HS6ST2: variants seen among roughly 807,000 people sequenced by gnomAD.
HS6ST2 encodes the protein heparan sulfate 6-O-sulfotransferase 2.
A neutral mutation model predicts 33.0 loss-of-function variants in HS6ST2; 17 were observed. That is an observed-to-expected ratio of 0.52 (90% CI 0.35 to 0.77). The LOEUF (loss-of-function observed/expected upper bound fraction) is 0.77. Ranked by LOEUF, HS6ST2 falls within the 30% of genes least tolerant of loss-of-function variation. The probability of loss-of-function intolerance (pLI) is 0.01; values close to 1 mark genes in which losing one functional copy is unlikely to be tolerated. For synonymous variants in HS6ST2, 248 were observed against 237.1 expected (o/e 1.05, Z -0.42); for missense variants, 519 against 551.7 (o/e 0.94, Z 0.59).
At chrX:132,698,799 TG>T (rs2064121675) in intron 3 of HS6ST2, among the ~76,000 whole-genome samples, 2 of 111,732 alleles carry the variant, frequency 1.8e-5, no homozygotes, top group Admixed American at 1.9e-4. Context: ...CACATTTTGT[TG>T]ACTTGCTTCC....
intron 2 of HS6ST2, among the ~76,000 whole-genome samples, chrX:132,731,175 C>A (rs1053115536): frequency 8.9e-6 from 1 of 112,275 alleles, no homozygotes; most frequent in Non-Finnish European, 1.9e-5. Context: ...GGGGAACTGA[C>A]TCTCATGCTC....
Position 132,794,836 on chromosome X carries a change from A to G in HS6ST2, c.948-86342T>C, listed in dbSNP as rs187998156. 9.9e-5 allele frequency among the ~76,000 whole-genome samples: 11 copies of G among 110,639 alleles called. No individual in the cohort carries two copies. In the East Asian group the frequency reaches 3.1e-3, roughly 31 times the overall value. On this transcript the variant is annotated intron_variant, in intron 2 of 4. Coordinates refer to ENST00000370833, the MANE Select transcript of HS6ST2 (RefSeq NM_001394073.1). ...AAACTTGCCCACAGTCATACACCTC[A>G]GACATGGTAGAGCTGGCCTTGATGT...
At chrX:132,779,704 T>A (rs1010045416) in intron 2 of HS6ST2, among the ~76,000 whole-genome samples, 3 of 109,159 alleles carry the variant, frequency 2.7e-5, no homozygotes, top group Non-Finnish European at 5.6e-5. Flanking sequence ...ATAATAATGA[T>A]GAAAAATCAG....
intron 3 of HS6ST2, among the ~76,000 whole-genome samples, chrX:132,702,854 C>T (rs891391677): frequency 9.0e-6 from 1 of 111,495 alleles, no homozygotes; most frequent in Admixed American, 9.5e-5. Flanking sequence ...CCTTGTCTGT[C>T]GTATTGTCCC....
chrX:132,863,689 T>C (rs1232685294), intron 2 of HS6ST2, among the ~76,000 whole-genome samples: 14 of 110,826 alleles, frequency 1.3e-4, no homozygotes, highest in Non-Finnish European at 1.9e-5. Flanking sequence ...TGAAACTGAA[T>C]TGAGGATCAG....
At chrX:132,825,123 A>G (rs981781117) in intron 2 of HS6ST2, among the ~76,000 whole-genome samples, 3 of 111,584 alleles carry the variant, frequency 2.7e-5, no homozygotes, top group Non-Finnish European at 5.7e-5. Context: ...CACTTCTAAA[A>G]CTGTGTGACT....
intron 2 of HS6ST2, among the ~76,000 whole-genome samples, chrX:132,728,384 G>A: frequency 8.9e-6 from 1 of 111,839 alleles, no homozygotes; most frequent in Non-Finnish European, 1.9e-5. Flanking sequence ...TTTGAGTCTG[G>A]GCCTCTTAAT....
chrX:132,865,986 A>T (rs944522129), intron 2 of HS6ST2, among the ~76,000 whole-genome samples: 31 of 112,018 alleles, frequency 2.8e-4, no homozygotes, highest in Non-Finnish European at 4.7e-4. Flanking sequence ...GAGTTTAATT[A>T]GATCCCATTT....
intron 2 of HS6ST2, among the ~76,000 whole-genome samples, chrX:132,714,676 G>C (rs892440827): frequency 4.5e-5 from 5 of 110,989 alleles, no homozygotes; most frequent in South Asian, 7.7e-4. Context: ...TCCTATGAAG[G>C]ATAGCCTGGG....
chrX:132,694,918 T>C (rs948669735), intron 3 of HS6ST2, among the ~76,000 whole-genome samples: 2 of 110,603 alleles, frequency 1.8e-5, no homozygotes, highest in Admixed American at 1.9e-4. Flanking sequence ...GCGGGGAAGA[T>C]TGGGAGAGGA....
chrX:132,636,089 C>G (rs1025919842), intron 4 of HS6ST2, among the ~76,000 whole-genome samples: 1 of 111,520 alleles, frequency 9.0e-6, no homozygotes, highest in African/African-American at 3.3e-5. Flanking sequence ...TTTTCTGCCT[C>G]TTCCGCTGGA....
intron 2 of HS6ST2, among the ~76,000 whole-genome samples, chrX:132,817,522 T>C (rs2065405977): frequency 9.0e-6 from 1 of 111,410 alleles, no homozygotes; most frequent in African/African-American, 3.3e-5. Context: ...CTCTAATAAA[T>C]TATCTTTTGA....
At chrX:132,838,947 G>A (rs995526329) in intron 2 of HS6ST2, among the ~76,000 whole-genome samples, 1 of 100,386 alleles carries the variant, frequency 1.0e-5, no homozygotes, top group African/African-American at 3.8e-5. Context: ...CAGTCAGAAT[G>A]GTTATTATTA....
chrX:132,881,194 C>A (rs1228301261), intron 2 of HS6ST2, among the ~76,000 whole-genome samples: 14 of 110,826 alleles, frequency 1.3e-4, no homozygotes, highest in Admixed American at 2.9e-4. Context: ...TCCCTGAGGA[C>A]TCGCCACACT....
intron 2 of HS6ST2, among the ~76,000 whole-genome samples, chrX:132,729,558 A>AT (rs1403502920): frequency 5.4e-5 from 6 of 112,070 alleles, no homozygotes; most frequent in African/African-American, 1.9e-4. Context: ...CCGAAACAAC[A>AT]TATCACAACA....
chrX:132,646,480 G>A (rs2063643485), intron 4 of HS6ST2, among the ~76,000 whole-genome samples: 1 of 103,597 alleles, frequency 9.7e-6, no homozygotes, highest in Non-Finnish European at 2.0e-5. Context: ...GCTGCAGTGA[G>A]CCATGATAGC....
At chrX:132,756,820 G>GGTGTGTGTGTGTGTGTGTGTGTGT in intron 2 of HS6ST2, among the ~76,000 whole-genome samples, 2 of 97,339 alleles carry the variant, frequency 2.1e-5, no homozygotes, top group East Asian at 6.8e-4. Context: ...CCCTGTGCAT[G>GGTGTGTGTGTGTGTGTGTGTGTGT]GTGTGTGTGT....
At position 132,814,660 on chromosome X, in the gene HS6ST2, C is replaced by T. The variant is rs1402216384; in HGVS notation, c.948-106166G>A. Among the ~76,000 whole-genome samples, 11 of 111,394 alleles carry T rather than the reference C, an allele frequency of 9.9e-5. No homozygotes were observed. In the South Asian group the frequency reaches 4.2e-3, roughly 43 times the overall value. Reference sequence around the variant, plus strand: ...AAGTAGCTGGGATTACAGGAGTGAGCCACTGCGCCCAACCTCAGAACCTGG... The same window carrying T: ...AAGTAGCTGGGATTACAGGAGTGAGTCACTGCGCCCAACCTCAGAACCTGG... On this transcript the variant is annotated intron_variant, in intron 2 of 4. Transcript: ENST00000370833.
At chrX:132,713,463 A>T (rs2064248971) in intron 2 of HS6ST2, among the ~76,000 whole-genome samples, 1 of 111,177 alleles carries the variant, frequency 9.0e-6, no homozygotes, top group Non-Finnish European at 1.9e-5. Flanking sequence ...AGCTTTTCAA[A>T]AGCAGAGCTC....
Sources: gnomAD v4.1 joint callset for allele counts (sites outside exome capture counted in the v4.1 genomes callset) on GRCh38, gnomAD v4.1.1 for gene constraint, MANE v1.5 for transcripts, NCBI Gene and HGNC (gene_info 2026-07-23, HGNC 2026-07-21) for gene names.